Variants in SCN9A observed in about 807,000 individuals in gnomAD.
SCN9A encodes sodium voltage-gated channel alpha subunit 9, also known as sodium channel protein type 9 subunit alpha.
Under a neutral mutation model 187.0 loss-of-function variants are expected in SCN9A, and 131 were observed. The ratio of observed to expected loss-of-function variants is 0.70; its 90% CI spans 0.61 to 0.81. The LOEUF (loss-of-function observed/expected upper bound fraction) is 0.81, where lower values mean the gene tolerates loss of function less well. Ranked by LOEUF, SCN9A falls within the 30% of genes least tolerant of loss-of-function variation. The pLI is 0.00. For missense variants in SCN9A, 2,252 were observed against 2,396.6 expected (o/e 0.94, Z 1.26); for synonymous variants, 809 against 808.6 (o/e 1.00, Z -0.01).
intron 1 of SCN9A, among the ~76,000 whole-genome samples, chr2:166,331,226 A>G (rs1229473618): frequency 6.6e-6 from 1 of 152,074 alleles, no homozygotes; most frequent in African/African-American, 2.4e-5. Flanking sequence ...ACTTTGTATC[A>G]ATTTTGTAAT....
chr2:166,241,391 A>G (rs1457557951), intron 19 of SCN9A, among the ~76,000 whole-genome samples: 4 of 152,088 alleles, frequency 2.6e-5, no homozygotes, highest in African/African-American at 9.7e-5. Flanking sequence ...CAAGAATGAG[A>G]AACTTGTCCT....
At chr2:166,367,409 C>A (rs1421212287) in intron 1 of SCN9A, among the ~76,000 whole-genome samples, 4 of 152,058 alleles carry the variant, frequency 2.6e-5, no homozygotes, top group Non-Finnish European at 5.9e-5. Flanking sequence ...ACTACAGGTG[C>A]TGGCCACCAT....
chr2:166,243,643 A>T (rs1349037469), intron 18 of SCN9A, among the ~76,000 whole-genome samples: 2 of 151,922 alleles, frequency 1.3e-5, no homozygotes, highest in Non-Finnish European at 2.9e-5. Flanking sequence ...TAGAATTGTG[A>T]TGCAAGCAGA....
At chr2:166,365,737 A>G (rs1462255225) in intron 1 of SCN9A, among the ~76,000 whole-genome samples, 1 of 152,162 alleles carries the variant, frequency 6.6e-6, no homozygotes, top group Non-Finnish European at 1.5e-5. Context: ...TTTTCAGACC[A>G]CTTTAAATAA....
At chr2:166,365,137 C>A (rs1368725084) in intron 1 of SCN9A, among the ~76,000 whole-genome samples, 2 of 152,066 alleles carry the variant, frequency 1.3e-5, no homozygotes, top group Non-Finnish European at 2.9e-5. Flanking sequence ...CAATTGTAAT[C>A]TTTGTCTTAT....
At chr2:166,352,968 A>C (rs1700073857) in intron 1 of SCN9A, among the ~76,000 whole-genome samples, 1 of 151,444 alleles carries the variant, frequency 6.6e-6, no homozygotes, top group African/African-American at 2.4e-5. Context: ...CTCTAAACCA[A>C]GATTTAAAAG....
At chr2:166,334,793 TA>T (rs1159475046) in intron 1 of SCN9A, among the ~76,000 whole-genome samples, 1 of 152,120 alleles carries the variant, frequency 6.6e-6, no homozygotes, top group African/African-American at 2.4e-5. Flanking sequence ...AATTTTGCAT[TA>T]AAAAATACTT....
chr2:166,215,673 T>A (rs559434509), intron 24 of SCN9A, among the ~76,000 whole-genome samples: 18 of 151,430 alleles, frequency 1.2e-4, no homozygotes, highest in Admixed American at 1.1e-3. Context: ...AATGAACTAA[T>A]CTTTAGAAAC....
At chr2:166,342,235 G>A (rs1699804113) in intron 1 of SCN9A, among the ~76,000 whole-genome samples, 1 of 151,952 alleles carries the variant, frequency 6.6e-6, no homozygotes, top group African/African-American at 2.4e-5. Context: ...AGAATCTTTG[G>A]GCTATTTAAA....
At chr2:166,347,390 C>T (rs564986496) in intron 1 of SCN9A, among the ~76,000 whole-genome samples, 1 of 152,188 alleles carries the variant, frequency 6.6e-6, no homozygotes, top group Non-Finnish European at 1.5e-5. Flanking sequence ...CCAGAGGGTT[C>T]ATGAATCATT....
At chr2:166,247,706 G>A (rs141726518) in intron 18 of SCN9A, among the ~76,000 whole-genome samples, 101 of 152,074 alleles carry the variant, frequency 6.6e-4, no homozygotes, top group African/African-American at 2.0e-3. Context: ...TAGTAGAAAC[G>A]GGATTTCACC....
chr2:166,255,480 T>C (rs1273455435), intron 17 of SCN9A, among the ~76,000 whole-genome samples: 1 of 32,006 alleles, frequency 3.1e-5, no homozygotes. Context: ...TGATGGTTAA[T>C]GCTAGTTATT....
At chr2:166,332,892 C>A (rs1574935646) in intron 1 of SCN9A, among the ~76,000 whole-genome samples, 1 of 151,682 alleles carries the variant, frequency 6.6e-6, no homozygotes, top group South Asian at 2.1e-4. Context: ...TGCTAACTTA[C>A]TACAATAAAA....
chr2:166,288,434 T>A lies in SCN9A; in HGVS notation c.1314+3A>T, dbSNP rs774219473. On this transcript the variant is annotated splice_donor_region_variant and intron_variant, in intron 10 of 26. Transcript: ENST00000642356. ...GGAAGAATTTTAAATCAAATAACAG[T>A]ACCTCAGCTTCTTCTTGCTCTTTTT... 20 of 1,604,126 alleles carry A rather than the reference T, an allele frequency of 1.2e-5. No individual in the cohort carries two copies. Among genetic ancestry groups the A allele is most frequent in the Middle Eastern group, 1.8e-4 (1 of 5,708 alleles).
intron 1 of SCN9A, among the ~76,000 whole-genome samples, chr2:166,320,256 GTTA>G (rs752267943): frequency 1.3e-4 from 20 of 151,970 alleles, no homozygotes; most frequent in Non-Finnish European, 2.4e-4. Context: ...TTTTATAATA[GTTA>G]TTATTATGAT....
At chr2:166,346,049 A>G (rs1699893117) in intron 1 of SCN9A, among the ~76,000 whole-genome samples, 1 of 152,170 alleles carries the variant, frequency 6.6e-6, no homozygotes, top group Non-Finnish European at 1.5e-5. Context: ...AAATATGAAT[A>G]AGGAATGTCT....
intron 9 of SCN9A, 71 bp downstream of exon 9, chr2:166,293,160 T>G: frequency 7.2e-7 from 1 of 1,387,002 alleles, no homozygotes; most frequent in East Asian, 2.5e-5. Context: ...AACCTCCTAA[T>G]ACAGGCTCTT....
intron 17 of SCN9A, among the ~76,000 whole-genome samples, chr2:166,252,766 C>CACAT (rs1696102634): frequency 6.6e-6 from 1 of 151,830 alleles, no homozygotes; most frequent in East Asian, 1.9e-4. Flanking sequence ...ATGATGTTTA[C>CACAT]ACATACACAC....
At chr2:166,252,562 G>A (rs1696093068) in intron 17 of SCN9A, among the ~76,000 whole-genome samples, 1 of 151,728 alleles carries the variant, frequency 6.6e-6, no homozygotes, top group Admixed American at 6.6e-5. Context: ...TAGTAGAAAA[G>A]ATCAAACAGT....
Sources: gnomAD v4.1 joint callset for allele counts (sites outside exome capture counted in the v4.1 genomes callset) on GRCh38, gnomAD v4.1.1 for gene constraint, MANE v1.5 for transcripts, NCBI Gene and HGNC (gene_info 2026-07-23, HGNC 2026-07-21) for gene names.